The following PDE1A variants were observed in gnomAD, a reference collection of about 807,000 sequenced individuals.
The protein encoded by PDE1A is dual specificity calcium/calmodulin-dependent 3',5'-cyclic nucleotide phosphodiesterase 1A.
Under a neutral mutation model 61.7 loss-of-function variants are expected in PDE1A, and 35 were observed. The ratio of observed to expected loss-of-function variants is 0.57; its 90% CI spans 0.43 to 0.75. The LOEUF is 0.75. Among genes scored for constraint, PDE1A ranks in the 30% least tolerant of loss-of-function variants. The pLI is 0.00. For synonymous variants in PDE1A, 232 were observed against 213.2 expected, an observed-to-expected ratio of 1.09 and a Z score of -0.77; for missense variants, 597 against 630.6, an observed-to-expected ratio of 0.95 and a Z score of 0.57.
At chr2:182,157,025 T>A (rs1272194046) in intron 13 of PDE1A, among the ~76,000 whole-genome samples, 1 of 149,070 alleles carries the variant, frequency 6.7e-6, no homozygotes, top group African/African-American at 2.4e-5. Flanking sequence ...TTTTATTTTT[T>A]TTTTTTTGAG....
At chr2:182,404,764 G>T (rs1220690012) in intron 1 of PDE1A, among the ~76,000 whole-genome samples, 4 of 152,090 alleles carry the variant, frequency 2.6e-5, no homozygotes, top group Admixed American at 6.5e-5. Context: ...CCCCATGGAA[G>T]TTTTTTGGGG....
chr2:182,561,464 T>C, the PDE1A span, among the ~76,000 whole-genome samples: 1 of 152,184 alleles, frequency 6.6e-6, no homozygotes, highest in Non-Finnish European at 1.5e-5. Context: ...TGTAGTCTGG[T>C]AGTATAGTTT....
At chr2:182,348,500 C>A (rs970915108) in intron 1 of PDE1A, among the ~76,000 whole-genome samples, 1 of 152,052 alleles carries the variant, frequency 6.6e-6, no homozygotes, top group African/African-American at 2.4e-5. Context: ...GATTTCCTCC[C>A]ATATTCTCTC....
chr2:182,321,044 TCTG>T (rs1383381049), intron 1 of PDE1A, among the ~76,000 whole-genome samples: 9 of 152,306 alleles, frequency 5.9e-5, no homozygotes, highest in Non-Finnish European at 1.0e-4. Context: ...GCTTAAATAA[TCTG>T]CTATCAACAA....
At chr2:182,400,533 TCTC>T (rs1701944996) in intron 1 of PDE1A, among the ~76,000 whole-genome samples, 1 of 152,058 alleles carries the variant, frequency 6.6e-6, no homozygotes, top group African/African-American at 2.4e-5. Context: ...ACTCTCAACA[TCTC>T]CTTAGATGCT....
chr2:182,363,042 C>G lies in PDE1A; in HGVS notation c.53+63536G>C, dbSNP rs374405553. Among the ~76,000 whole-genome samples, 10 of 151,966 alleles carry G rather than the reference C, an allele frequency of 6.6e-5. No individual in the cohort carries two copies. The East Asian group carries it at 1.9e-3, about 29-fold the overall frequency. On this transcript the variant is annotated intron_variant, in intron 1 of 13. Coordinates refer to ENST00000351439, the Ensembl canonical transcript of PDE1A. ...CACATGGATACATAGAGGGAAATAA[C>G]ACACACTGGGGCCTATTGGAGGATG...
the PDE1A span, among the ~76,000 whole-genome samples, chr2:182,604,443 C>T: frequency 6.6e-6 from 1 of 152,102 alleles, no homozygotes; most frequent in Non-Finnish European, 1.5e-5. Context: ...ATTATAATCA[C>T]AGAAAACAGT....
chr2:182,365,369 TAA>T (rs1025643463), intron 1 of PDE1A, among the ~76,000 whole-genome samples: 13 of 152,160 alleles, frequency 8.5e-5, no homozygotes, highest in African/African-American at 3.1e-4. Flanking sequence ...TTCATGAAAT[TAA>T]ACACAGCTCC....
At chr2:182,155,842 GATT>G (rs1691051133) in intron 13 of PDE1A, among the ~76,000 whole-genome samples, 1 of 152,204 alleles carries the variant, frequency 6.6e-6, no homozygotes, top group African/African-American at 2.4e-5. Flanking sequence ...AGTGAGCCGA[GATT>G]GCACCATTGC....
chr2:182,295,574 C>T (rs898903039), intron 1 of PDE1A, among the ~76,000 whole-genome samples: 6 of 152,038 alleles, frequency 3.9e-5, no homozygotes, highest in Admixed American at 1.3e-4. Flanking sequence ...ATGGTATCTA[C>T]GGATTAATAG....
chr2:182,351,372 C>T (rs1049515118), intron 1 of PDE1A, among the ~76,000 whole-genome samples: 2 of 152,054 alleles, frequency 1.3e-5, no homozygotes, highest in Non-Finnish European at 2.9e-5. Flanking sequence ...TTGTTTTTAT[C>T]CAAATGTCTC....
chr2:182,449,239 C>CA (rs1202531328), intron 2 of PDE1A, among the ~76,000 whole-genome samples: 2 of 145,438 alleles, frequency 1.4e-5, no homozygotes, highest in Non-Finnish European at 3.0e-5. Context: ...AAAAATATAC[C>CA]AAAAAAAAGA....
At chr2:182,324,414 T>TA (rs1219757738) in intron 1 of PDE1A, among the ~76,000 whole-genome samples, 18 of 152,088 alleles carry the variant, frequency 1.2e-4, no homozygotes, top group Non-Finnish European at 1.5e-4. Flanking sequence ...ATGATGTGCA[T>TA]AAAATCATCT....
At chr2:182,652,809 T>C in the PDE1A span, among the ~76,000 whole-genome samples, 7 of 152,220 alleles carry the variant, frequency 4.6e-5, no homozygotes, top group Non-Finnish European at 8.8e-5. Flanking sequence ...GTAATTTCTC[T>C]CTCCCTTTTG....
the PDE1A span, among the ~76,000 whole-genome samples, chr2:182,547,980 A>G: frequency 6.6e-6 from 1 of 151,414 alleles, no homozygotes; most frequent in South Asian, 2.1e-4. Context: ...ATGTGTAGAT[A>G]TGGGAATTGC....
At chr2:182,294,220 T>C (rs1313344222) in intron 1 of PDE1A, among the ~76,000 whole-genome samples, 1 of 152,148 alleles carries the variant, frequency 6.6e-6, no homozygotes, top group African/African-American at 2.4e-5. Context: ...AGTGAAACCT[T>C]GGATGAGGGG....
chr2:182,402,766 G>T (rs1240265633), intron 1 of PDE1A, among the ~76,000 whole-genome samples: 1 of 152,168 alleles, frequency 6.6e-6, no homozygotes, highest in African/African-American at 2.4e-5. Flanking sequence ...GAAAATTCTT[G>T]CAATCTATCC....
chr2:182,465,138 C>G (rs1355317149), intron 2 of PDE1A, among the ~76,000 whole-genome samples: 1 of 152,066 alleles, frequency 6.6e-6, no homozygotes, highest in Non-Finnish European at 1.5e-5. Context: ...GCGAAAGGAA[C>G]AGTGCCTTTA....
chr2:182,429,511 C>A (rs1574638074), upstream of PDE1A, among the ~76,000 whole-genome samples: 1 of 151,904 alleles, frequency 6.6e-6, no homozygotes, highest in African/African-American at 2.4e-5. Flanking sequence ...TGTGGAAAAA[C>A]AAAGTCAGGC....
Sources: gnomAD v4.1 joint callset for allele counts (sites outside exome capture counted in the v4.1 genomes callset) on GRCh38, gnomAD v4.1.1 for gene constraint, MANE v1.5 for transcripts, NCBI Gene and HGNC (gene_info 2026-07-23, HGNC 2026-07-21) for gene names.